Variants in MRC2 observed in about 807,000 individuals in gnomAD.
MRC2 encodes C-type mannose receptor 2.
MRC2 carries 84 observed loss-of-function variants against 206.2 expected under a neutral mutation model. That is an observed-to-expected ratio of 0.41 (90% CI 0.34 to 0.49). The LOEUF is 0.49. Ranked by LOEUF, MRC2 falls within the 20% of genes least tolerant of loss-of-function variation. The pLI is 0.31. For synonymous variants in MRC2, 798 were observed against 800.0 expected, an observed-to-expected ratio of 1.00 and a Z score of 0.04; for missense variants, 1,676 against 2,001.5, an observed-to-expected ratio of 0.84 and a Z score of 3.10.
chr17:62,689,857 A>G (rs2089082375), intron 24 of MRC2, 37 bp from the exon 25 acceptor site: 5 of 1,562,240 alleles, frequency 3.2e-6, no homozygotes, highest in Non-Finnish European at 4.3e-6. Context: ...TATCCTGACT[A>G]TTCCCTTCCT....
rs2088835923 is a variant in MRC2 at position 62,672,300 on chromosome 17, TCC to T, written c.1461+150_1461+151del. The T allele has an allele frequency of 1.1e-6, 1 of 920,838 alleles. No individual in the cohort carries two copies. The highest frequency in any genetic ancestry group is 1.7e-5 in the African/African-American group (1 of 60,502). The allele number at this position is 920,838 out of a possible 1,614,324, so 57.0% of individuals were successfully genotyped here. On this transcript the variant is annotated intron_variant, in intron 8 of 29. Transcript: ENST00000303375. The surrounding 1 kb of genome is among the most constrained non-coding windows in gnomAD (Gnocchi z 4.5). ...GTCCCCCTCCTCCCCACCAATGCCT[TCC>T]CTTCCATGTGAGAGACTGCCGGGGC...
chr17:62,631,378 G>C (rs1471817246), intron 1 of MRC2, among the ~76,000 whole-genome samples: 1 of 152,120 alleles, frequency 6.6e-6, no homozygotes, highest in African/African-American at 2.4e-5. Context: ...TGTTAAAGAT[G>C]TTAAGGGAGT....
In MRC2 at chr17:62,690,206, C is replaced by T; in HGVS notation, c.3793C>T (p.Leu1265=). Residue 1265 remains leucine, a synonymous_variant, in exon 26 of 30, where the codon CTG becomes TTG. Transcript: ENST00000303375. ...CTACCATGGCAGCTGTCCCCAGGGACTGGCAGACTCCGCGTGGATTCCCTT... is the reference window on the plus strand; with the variant it reads ...CTACCATGGCAGCTGTCCCCAGGGATTGGCAGACTCCGCGTGGATTCCCTT... ...ISYHGSCPQG[L]ADSAWIPFRE... is the part of the protein sequence containing the mutation. The T allele has an allele frequency of 1.9e-6, 3 of 1,612,608 alleles. No individual in the cohort carries two copies. The highest frequency in any genetic ancestry group is 2.2e-5 in the South Asian group (2 of 91,034).
intron 23 of MRC2, 33 bp from the exon 24 acceptor site, chr17:62,689,489 A>C: frequency 7.1e-7 from 1 of 1,409,292 alleles, no homozygotes; most frequent in Non-Finnish European, 9.6e-7. Context: ...AGGGAAGCAG[A>C]GCCCAGCCTG....
intron 1 of MRC2, among the ~76,000 whole-genome samples, chr17:62,638,462 G>A (rs961973021): frequency 2.6e-5 from 4 of 151,990 alleles, no homozygotes; most frequent in East Asian, 1.9e-4. Context: ...GAGGATGGCC[G>A]GGCGTGGTGG....
chr17:62,681,459 TATG>T, intron 18 of MRC2: 1 of 487,534 alleles, frequency 2.1e-6, no homozygotes, highest in East Asian at 3.9e-5. Flanking sequence ...GGGCAGAACA[TATG>T]ATGATCCGGG....
intron 1 of MRC2, among the ~76,000 whole-genome samples, chr17:62,661,334 G>C (rs1199334764): frequency 6.6e-6 from 1 of 152,152 alleles, no homozygotes; most frequent in African/African-American, 2.4e-5. Context: ...CTTTTACTAT[G>C]AGCGAGGCTG....
chr17:62,671,015 G>A lies in MRC2; in HGVS notation c.1118-634G>A, dbSNP rs2088819917. On this transcript the variant is annotated intron_variant, in intron 6 of 29. Transcript: ENST00000303375. The surrounding 1 kb of genome is among the most constrained non-coding windows in gnomAD (Gnocchi z 4.5). ...TAGCAGGAAACCCCATTTACAGAGGGAGAAACTGAGGTTCATGGGGCTGGT... is the reference window on the plus strand; with the variant it reads ...TAGCAGGAAACCCCATTTACAGAGGAAGAAACTGAGGTTCATGGGGCTGGT... 6.6e-6 allele frequency among the ~76,000 whole-genome samples: 1 copy of A among 152,226 alleles called. No homozygotes were observed.
Position 62,672,552 on chromosome 17 carries a change from G to A in MRC2, c.1461+400G>A, listed in dbSNP as rs890293040. Among the ~76,000 whole-genome samples, 9 of 152,176 alleles carry A rather than the reference G, an allele frequency of 5.9e-5. No homozygotes were observed. Among genetic ancestry groups the A allele is most frequent in the African/African-American group, 1.7e-4 (7 of 41,440 alleles). On this transcript the variant is annotated intron_variant, in intron 8 of 29. Coordinates refer to ENST00000303375, the MANE Select transcript of MRC2 (RefSeq NM_006039.5). This position sits in a 1 kb window ranked among gnomAD's most constrained non-coding sequence, Gnocchi z 4.5. ...GCAGGGCTGCACTCTGCCAGCCCTC[G>A]CCCCCAGTGCTCTACCCAGTCCAGG...
Position 62,627,849 on chromosome 17 carries a change from T to C in MRC2, c.47T>C (p.Leu16Pro). ...CCCGCGCCCTGGCCTCGTCACCTGC[T>C]GCGCTGCGTCCTGCTCCTCGGGTGC... The part of the protein sequence containing the change: ...PAPAPWPRHL[L>P]RCVLLLGCLH... The change falls in exon 1 of 30, where the codon CTG (leucine) becomes CCG (proline). Residue 16 changes from leucine to proline, a missense_variant. This residue lies in a region of MRC2 where 318 missense variants were observed against 346.7 expected (regional missense o/e 0.92). Transcript: ENST00000303375. 1.4e-6 allele frequency: 2 copies of C among 1,477,236 alleles called. No homozygotes were observed. The highest frequency in any genetic ancestry group is 1.8e-6 in the Non-Finnish European group (2 of 1,122,178). The allele number at this position is 1,477,236 out of a possible 1,614,324, so 91.5% of individuals were successfully genotyped here. A position where few individuals can be genotyped will look rare whatever the true frequency, so the allele number is the denominator to read the frequency against.
rs1019355007 is a variant in MRC2 at position 62,675,022 on chromosome 17, G to A, written c.1570-768G>A. On this transcript the variant is annotated intron_variant, in intron 9 of 29. Transcript: ENST00000303375. The surrounding 1 kb of genome is among the most constrained non-coding windows in gnomAD (Gnocchi z 4.1). ...GCCCCATGGGCGAGGAAGCAGAGGG[G>A]AGAGCAGAGCCCAGCTGCGGAGTCT... Among the ~76,000 whole-genome samples, 3 of 152,222 alleles carry A rather than the reference G, an allele frequency of 2.0e-5. No individual in the cohort carries two copies. Among genetic ancestry groups the A allele is most frequent in the Admixed American group, 6.5e-5 (1 of 15,284 alleles).
At position 62,690,091 on chromosome 17, in the gene MRC2, A is replaced by G. The variant is rs200024033; in HGVS notation, c.3742+29A>G. On this transcript the variant is annotated intron_variant, in intron 25 of 29. Coordinates refer to ENST00000303375, the MANE Select transcript of MRC2 (RefSeq NM_006039.5). ...AGTGCCCACCTGCCAGGGCGGGGGCATGGGCAAGCTGTCGGTGGCCCCGGG... is the reference window on the plus strand; with the variant it reads ...AGTGCCCACCTGCCAGGGCGGGGGCGTGGGCAAGCTGTCGGTGGCCCCGGG... 2.1e-5 allele frequency: 33 copies of G among 1,583,330 alleles called. No homozygotes were observed. The African/African-American group carries it at 2.7e-4, about 13-fold the overall frequency.
chr17:62,680,616 T>C lies in MRC2; in HGVS notation c.2473+163T>C, dbSNP rs2088952111. The C allele has an allele frequency of 1.6e-6, 2 of 1,281,842 alleles. No individual in the cohort carries two copies. Among genetic ancestry groups the C allele is most frequent in the East Asian group, 2.5e-5 (1 of 40,110 alleles). 79.4% of individuals were successfully genotyped at this position (1,281,842 alleles called of 1,614,324 possible). ...CGGAGGCAGCCACAGCCCTGTTTGC[T>C]TCCGTGTGGGAGGCGAGGCAAGCCT... On this transcript the variant is annotated intron_variant, in intron 16 of 29. Coordinates refer to ENST00000303375, the MANE Select transcript of MRC2 (RefSeq NM_006039.5). The surrounding 1 kb of genome is among the most constrained non-coding windows in gnomAD (Gnocchi z 4.8).
In MRC2 at chr17:62,652,379, G is replaced by A. The variant is rs2147450179; in HGVS notation, c.119-12169G>A. Among the ~76,000 whole-genome samples, 1 of 152,364 alleles carries A rather than the reference G, an allele frequency of 6.6e-6. No homozygotes were observed. The highest frequency in any genetic ancestry group is 1.9e-4 in the East Asian group (1 of 5,178). On this transcript the variant is annotated intron_variant, in intron 1 of 29. Transcript: ENST00000303375. The surrounding 1 kb of genome is among the most constrained non-coding windows in gnomAD (Gnocchi z 4.6). ...GAGTGGTGGCCGCTGTCGGCGATGG[G>A]GTCCCCGCGAGGGCACAAGTGATCG...
Position 62,678,548 on chromosome 17 carries a change from G to C in MRC2, c.2097G>C (p.Gln699His). Residue 699 changes from glutamine (Q) to histidine (H), a missense_variant, in exon 13 of 30, where the codon CAG (glutamine) becomes CAC (histidine). Physicochemically the swap from Gln to His is conservative, Grantham distance 24. This residue lies in a region of MRC2 where 1,354 missense variants were observed against 1,636.6 expected (regional missense o/e 0.83). Coordinates refer to ENST00000303375, the MANE Select transcript of MRC2 (RefSeq NM_006039.5). ...TGCAGGACAAGAAGAGCTGGGTCCAGGCCCAGGGGGCCTGCCAGGAGCTGG... is the reference window on the plus strand; with the variant it reads ...TGCAGGACAAGAAGAGCTGGGTCCACGCCCAGGGGGCCTGCCAGGAGCTGG... ...ERLQDKKSWV[Q>H]AQGACQELGA... The C allele has an allele frequency of 6.2e-7, 1 of 1,610,650 alleles. No individual in the cohort carries two copies. The highest frequency in any genetic ancestry group is 1.1e-5 in the South Asian group (1 of 90,816).
chr17:62,627,973 A>G, intron 1 of MRC2, 53 bp downstream of exon 1: 1 of 1,232,602 alleles, frequency 8.1e-7, no homozygotes, highest in Admixed American at 3.7e-5. Flanking sequence ...GGGAGCGCCG[A>G]GGCGCGGGCC....
intron 1 of MRC2, among the ~76,000 whole-genome samples, chr17:62,663,957 G>GC (rs1491189838): frequency 7.2e-6 from 1 of 139,538 alleles, no homozygotes; most frequent in African/African-American, 2.9e-5. Flanking sequence ...AGTTGGGTTT[G>GC]CTTTTTTTTT....
rs11357719 is a variant in MRC2, at chr17:62,690,592, G to GCC, written c.3893-43_3893-42dup. On this transcript the variant is annotated intron_variant, in intron 26 of 29. Transcript: ENST00000303375. ...GGCTGGAGCAGCTCTGGGGGACTCT[G>GCC]CCCCCCCCGGAGACCCATCCGCCCT... is the stretch of plus-strand genomic sequence containing the variant. The GCC allele has an allele frequency of 2.0e-6, 3 of 1,532,916 alleles. No individual in the cohort carries two copies. The African/African-American group carries it at 4.1e-5, about 21-fold the overall frequency. 95.0% of individuals were successfully genotyped at this position (1,532,916 alleles called of 1,614,324 possible).
chr17:62,692,341 C>T lies in MRC2; in HGVS notation c.4330C>T (p.Arg1444Cys), dbSNP rs567602213. ...ILYRRRQSIE[R>C]GAFEGARYSR... ...TTACCGGAGGCGCCAGAGCATCGAGCGCGGGGCCTTTGAGGGTGCCCGCTA... is the reference window on the plus strand; with the variant it reads ...TTACCGGAGGCGCCAGAGCATCGAGTGCGGGGCCTTTGAGGGTGCCCGCTA... The change falls in exon 30 of 30, where the codon CGC (arginine) becomes TGC (cysteine). Residue 1444 changes from arginine (R) to cysteine (C), a missense_variant. By Grantham distance (180) the Arg-to-Cys change is radical. Transcript: ENST00000303375. This position sits in a 1 kb window ranked among gnomAD's most constrained non-coding sequence, Gnocchi z 4.2. 3.1e-5 allele frequency: 49 copies of T among 1,575,888 alleles called. No individual in the cohort carries two copies. The highest frequency in any genetic ancestry group is 3.9e-5 in the Non-Finnish European group (45 of 1,160,936).
Sources: allele counts gnomAD v4.1 joint callset (sites outside exome capture counted in the v4.1 genomes callset), GRCh38; gene constraint gnomAD v4.1.1; regional missense constraint gnomAD v4.1.1; non-coding constraint Gnocchi (gnomAD v3.1); transcripts MANE v1.5; gene names NCBI Gene and HGNC (gene_info 2026-07-23, HGNC 2026-07-21).